Variants in TMTC2 observed in about 807,000 individuals in gnomAD.
TMTC2 encodes protein O-mannosyl-transferase TMTC2.
TMTC2 carries 43 observed loss-of-function variants against 82.4 expected under a neutral mutation model. The ratio of observed to expected loss-of-function variants is 0.52; its 90% CI spans 0.41 to 0.67. The LOEUF (loss-of-function observed/expected upper bound fraction) is 0.67, where lower values mean the gene tolerates loss of function less well. Among genes scored for constraint, TMTC2 ranks in the 30% least tolerant of loss-of-function variants. The pLI is 0.00. For synonymous variants in TMTC2, 408 were observed against 381.9 expected, an observed-to-expected ratio of 1.07 and a Z score of -0.80; for missense variants, 919 against 1,012.4, an observed-to-expected ratio of 0.91 and a Z score of 1.25.
rs1885359244 is a variant in TMTC2, at chr12:83,134,167, G to C, written c.*1778G>C. The C allele has an allele frequency of 6.6e-6, 1 of 152,116 alleles. No homozygotes were observed. The highest frequency in any genetic ancestry group is 1.5e-5 in the Non-Finnish European group (1 of 67,950). 9.4% of individuals were successfully genotyped at this position (152,116 alleles called of 1,614,324 possible). On this transcript the variant is annotated 3_prime_UTR_variant, in exon 12 of 12. Coordinates refer to ENST00000321196, the MANE Select transcript of TMTC2 (RefSeq NM_152588.3). The stretch of plus-strand genomic sequence containing the variant: ...TTATTTTGTAAACATTTCACTGAAG[G>C]GCCAAAAGTTAAATTATAACTAAAT...
At chr12:82,992,015 TGGAG>T (rs1231434106) in intron 8 of TMTC2, among the ~76,000 whole-genome samples, 15 of 152,332 alleles carry the variant, frequency 9.8e-5, no homozygotes, top group Non-Finnish European at 5.9e-5. Context: ...GGAAGGATAT[TGGAG>T]ACTCTGACAG....
At chr12:83,105,493 C>A (rs1884363228) in intron 11 of TMTC2, among the ~76,000 whole-genome samples, 1 of 152,168 alleles carries the variant, frequency 6.6e-6, no homozygotes, top group Admixed American at 6.5e-5. Context: ...GGAACTTTTT[C>A]TCATAGCAGA....
intron 11 of TMTC2, among the ~76,000 whole-genome samples, chr12:83,115,988 G>A (rs1884746053): frequency 1.3e-5 from 2 of 152,052 alleles, no homozygotes; most frequent in Non-Finnish European, 2.9e-5. Flanking sequence ...GGCTTTCAAT[G>A]TGTTTGCCAG....
chr12:82,841,089 C>G (rs1870311476), intron 1 of TMTC2, among the ~76,000 whole-genome samples: 2 of 152,124 alleles, frequency 1.3e-5, no homozygotes, highest in Admixed American at 1.3e-4. Flanking sequence ...CAAGATTTTA[C>G]TGTTCTTAAA....
At chr12:83,102,068 G>T (rs374158020) in intron 11 of TMTC2, among the ~76,000 whole-genome samples, 1 of 152,148 alleles carries the variant, frequency 6.6e-6, no homozygotes, top group Non-Finnish European at 1.5e-5. Context: ...TTAGAGATTG[G>T]CATTATCTCC....
intron 1 of TMTC2, among the ~76,000 whole-genome samples, chr12:82,849,126 G>C (rs1198734586): frequency 2.0e-5 from 3 of 152,052 alleles, no homozygotes; most frequent in African/African-American, 4.8e-5. Flanking sequence ...TTTGTGGAGA[G>C]GAGTGCTGGT....
chr12:83,069,346 A>G (rs1381480135), intron 11 of TMTC2, among the ~76,000 whole-genome samples: 1 of 152,096 alleles, frequency 6.6e-6, no homozygotes, highest in Non-Finnish European at 1.5e-5. Context: ...CATCACATCC[A>G]TGCCAGCATC....
chr12:83,120,215 G>T (rs12306199), intron 11 of TMTC2, among the ~76,000 whole-genome samples: 2 of 151,906 alleles, frequency 1.3e-5, no homozygotes, highest in African/African-American at 4.8e-5. Context: ...TTTTGTTTTT[G>T]CTGTTTAACT....
chr12:82,719,612 G>T (rs1164539559), intron 1 of TMTC2, among the ~76,000 whole-genome samples: 1 of 149,864 alleles, frequency 6.7e-6, no homozygotes, highest in African/African-American at 2.5e-5. Flanking sequence ...AATTACTCAT[G>T]TAGCAATTTC....
chr12:82,836,685 A>C (rs935976006), intron 1 of TMTC2, among the ~76,000 whole-genome samples: 2 of 152,202 alleles, frequency 1.3e-5, no homozygotes, highest in Admixed American at 1.3e-4. Flanking sequence ...TTTATCACTA[A>C]GTGGATGGTA....
At chr12:82,925,214 AC>A (rs1463237974) in intron 3 of TMTC2, among the ~76,000 whole-genome samples, 1 of 152,152 alleles carries the variant, frequency 6.6e-6, no homozygotes, top group Non-Finnish European at 1.5e-5. Flanking sequence ...AACACTTATC[AC>A]TATCTGAAGT....
At chr12:82,687,726 C>G (rs1565708529) in intron 1 of TMTC2, 57 bp downstream of exon 1, 17 of 1,520,152 alleles carry the variant, frequency 1.1e-5, no homozygotes, top group Non-Finnish European at 9.9e-6. Context: ...CGCAGTGGCT[C>G]TGAAGCTTCC....
intron 1 of TMTC2, among the ~76,000 whole-genome samples, chr12:82,720,459 T>G (rs1246575134): frequency 1.3e-5 from 2 of 152,184 alleles, no homozygotes; most frequent in East Asian, 1.9e-4. Flanking sequence ...TATTAAATAT[T>G]AAATATTAAA....
intron 1 of TMTC2, among the ~76,000 whole-genome samples, chr12:82,800,138 A>G (rs570275602): frequency 6.6e-6 from 1 of 152,128 alleles, no homozygotes; most frequent in South Asian, 2.1e-4. Context: ...CACTCTGTCA[A>G]CTGAAGGTAA....
chr12:82,943,847 T>G (rs1876850571), intron 4 of TMTC2, among the ~76,000 whole-genome samples: 1 of 152,222 alleles, frequency 6.6e-6, no homozygotes, highest in Non-Finnish European at 1.5e-5. Context: ...TGACAAAGTG[T>G]AGTTTCTACT....
intron 1 of TMTC2, among the ~76,000 whole-genome samples, chr12:82,748,020 A>G (rs1875779177): frequency 6.6e-6 from 1 of 152,220 alleles, no homozygotes; most frequent in South Asian, 2.1e-4. Context: ...AGTTTTTAAA[A>G]AAAGTTTAGG....
At chr12:82,739,164 A>G (rs1875272465) in intron 1 of TMTC2, among the ~76,000 whole-genome samples, 1 of 142,224 alleles carries the variant, frequency 7.0e-6, no homozygotes, top group Admixed American at 7.1e-5. Context: ...AAAAAAAAAA[A>G]GAGGATACAT....
At chr12:83,068,013 G>C (rs1437624906) in intron 11 of TMTC2, among the ~76,000 whole-genome samples, 1 of 152,040 alleles carries the variant, frequency 6.6e-6, no homozygotes, top group African/African-American at 2.4e-5. Flanking sequence ...ATCAAAGCCA[G>C]TGTTATCCAT....
At chr12:83,033,309 T>G (rs1881516390) in intron 9 of TMTC2, among the ~76,000 whole-genome samples, 1 of 152,246 alleles carries the variant, frequency 6.6e-6, no homozygotes, top group Non-Finnish European at 1.5e-5. Context: ...ATTTTAGAAC[T>G]GGAACTGTAA....
Sources: gnomAD v4.1 joint callset for allele counts (sites outside exome capture counted in the v4.1 genomes callset) on GRCh38, gnomAD v4.1.1 for gene constraint, MANE v1.5 for transcripts, NCBI Gene and HGNC (gene_info 2026-07-23, HGNC 2026-07-21) for gene names.